Variants in ITFG2 observed in about 807,000 individuals in gnomAD.
ITFG2 encodes the protein integrin alpha FG-GAP repeat containing 2, also known as KICSTOR complex protein ITFG2.
ITFG2 carries 36 observed loss-of-function variants against 54.4 expected under a neutral mutation model. The observed-to-expected ratio is 0.66, with a 90% CI of 0.51 to 0.87. The LOEUF (loss-of-function observed/expected upper bound fraction) is 0.87, where lower values mean the gene tolerates loss of function less well. Ranked by LOEUF, ITFG2 falls within the 40% of genes least tolerant of loss-of-function variation. The probability of loss-of-function intolerance (pLI) is 0.00; values close to 1 mark genes in which losing one functional copy is unlikely to be tolerated. For synonymous variants in ITFG2, 211 were observed against 225.4 expected, an observed-to-expected ratio of 0.94 and a Z score of 0.57; for missense variants, 524 against 576.7, an observed-to-expected ratio of 0.91 and a Z score of 0.94.
chr12:2,850,012 C>T (rs1266870634), intron 2 of ITFG2, among the ~76,000 whole-genome samples: 1 of 152,184 alleles, frequency 6.6e-6, no homozygotes. Flanking sequence ...CACTTTGCCC[C>T]TGGTTCGGCA....
upstream of ITFG2, chr12:2,835,099 C>G: frequency 2.1e-6 from 3 of 1,436,052 alleles, no homozygotes; most frequent in Non-Finnish European, 2.7e-6. Context: ...CCACAGCTGG[C>G]TGACTTGGCC....
intron 1 of ITFG2, among the ~76,000 whole-genome samples, chr12:2,838,994 A>C (rs1446033981): frequency 6.6e-6 from 1 of 152,034 alleles, no homozygotes; most frequent in Non-Finnish European, 1.5e-5. Context: ...AGAGAATTAA[A>C]AAAAAAAAAC....
intron 2 of ITFG2, chr12:2,854,856 G>A (rs1034100401): frequency 3.3e-6 from 5 of 1,502,470 alleles, no homozygotes; most frequent in Non-Finnish European, 4.4e-6. Context: ...CACCTGGGCA[G>A]GGCAGGCTGG....
At chr12:2,859,244 G>A in intron 3 of ITFG2, 1 of 1,613,804 alleles carries the variant, frequency 6.2e-7, no homozygotes, top group African/African-American at 1.3e-5. Context: ...GCCCCTCTGA[G>A]AAGAGCAGCT....
At position 2,853,280 on chromosome 12, in the gene ITFG2, T is replaced by C. The variant is rs559482441; in HGVS notation, n.301-4732T>C. The stretch of plus-strand genomic sequence containing the variant: ...CTCAAAGTCACCAACCTTTGGTTTT[T>C]TGTTTTTTTTTTTAAACAAAGTCTC... On this transcript the variant is annotated intron_variant and non_coding_transcript_variant, in intron 2 of 3. Transcript: ENST00000537710. Among the ~76,000 whole-genome samples the C allele has an allele frequency of 2.1e-3, 322 of 152,196 alleles. 3 individuals are homozygous for C. The highest frequency in any genetic ancestry group is 7.5e-3 in the African/African-American group (310 of 41,548).
intron 5 of ITFG2, 129 bp downstream of exon 5, chr12:2,820,354 A>T: frequency 3.5e-6 from 4 of 1,158,140 alleles, no homozygotes; most frequent in Non-Finnish European, 3.6e-6. Context: ...TTGTCAAGAG[A>T]GATCCAAAGA....
At chr12:2,823,033 A>C (rs1180898675) in intron 10 of ITFG2, 122 bp downstream of exon 10, 1 of 734,586 alleles carries the variant, frequency 1.4e-6, no homozygotes, top group Admixed American at 2.2e-5. Context: ...GTAAGTCTTC[A>C]TTCACCAGTG....
chr12:2,849,498 C>T, intron 2 of ITFG2: 1 of 1,536,106 alleles, frequency 6.5e-7, no homozygotes, highest in Non-Finnish European at 8.7e-7. Flanking sequence ...GGGGTTCAAA[C>T]CTCCCACCAG....
intron 2 of ITFG2, among the ~76,000 whole-genome samples, chr12:2,854,070 G>A (rs979355968): frequency 1.3e-5 from 2 of 152,062 alleles, no homozygotes; most frequent in South Asian, 2.1e-4. Context: ...TTGTTGCCCC[G>A]GCTGGAGTGC....
At chr12:2,854,973 C>T (rs1209133118) in intron 2 of ITFG2, 2 of 1,536,114 alleles carry the variant, frequency 1.3e-6, no homozygotes, top group East Asian at 2.4e-5. Context: ...TCAACTTGAG[C>T]TTCTCCACCT....
intron 2 of ITFG2, among the ~76,000 whole-genome samples, chr12:2,843,049 G>A (rs2098045162): frequency 6.6e-6 from 1 of 152,148 alleles, no homozygotes; most frequent in Admixed American, 6.5e-5. Context: ...CTGCTGGTGG[G>A]GATGGAGAGG....
At chr12:2,839,429 A>G (rs1020389316) in intron 1 of ITFG2, among the ~76,000 whole-genome samples, 4 of 152,264 alleles carry the variant, frequency 2.6e-5, no homozygotes, top group Non-Finnish European at 5.9e-5. Flanking sequence ...AAGTGAGCGT[A>G]TTCTCGTCCA....
chr12:2,814,101 G>A (rs1356853333), intron 1 of ITFG2, among the ~76,000 whole-genome samples: 2 of 152,106 alleles, frequency 1.3e-5, no homozygotes, highest in South Asian at 2.1e-4. Context: ...CTGCCACCAT[G>A]TCTGGCTAAT....
At chr12:2,846,825 C>T (rs1465476608) in intron 2 of ITFG2, among the ~76,000 whole-genome samples, 5 of 151,860 alleles carry the variant, frequency 3.3e-5, no homozygotes, top group African/African-American at 1.2e-4. Flanking sequence ...AAGACAATCA[C>T]GGACATGGCG....
chr12:2,821,748 CA>C lies in ITFG2; in HGVS notation c.905del (p.Gln302ArgfsTer22). 1 of 1,614,134 alleles carries C rather than the reference CA, an allele frequency of 6.2e-7. No homozygotes were observed. The highest frequency in any genetic ancestry group is 8.5e-7 in the Non-Finnish European group (1 of 1,180,006). On this transcript the variant is annotated frameshift_variant, in exon 9 of 12. Transcript: ENST00000228799. LOFTEE classifies it high-confidence loss of function. ...AGCAGACAAGCTGCTGTGGTCAGTGCAGGTGGATCACCAGCTCTTTGCCCTG... is the reference window on the plus strand; with the variant it reads ...AGCAGACAAGCTGCTGTGGTCAGTGCGGTGGATCACCAGCTCTTTGCCCTG... ...EEADKLLWSV[Q>X]VDHQLFALEK...
chr12:2,833,771 C>G (rs892631300), upstream of ITFG2, among the ~76,000 whole-genome samples: 9 of 152,230 alleles, frequency 5.9e-5, no homozygotes, highest in African/African-American at 2.2e-4. Context: ...CTATTAGGCA[C>G]TGTTCTAAGT....
At chr12:2,849,268 G>A in intron 2 of ITFG2, 3 of 1,536,098 alleles carry the variant, frequency 2.0e-6, no homozygotes, top group Non-Finnish European at 8.7e-7. Flanking sequence ...CTTCCTTGCT[G>A]GGGATTTGCT....
At chr12:2,842,447 A>G (rs1021070987) in intron 2 of ITFG2, among the ~76,000 whole-genome samples, 4 of 151,848 alleles carry the variant, frequency 2.6e-5, no homozygotes, top group African/African-American at 9.6e-5. Flanking sequence ...TAAAAAAAGT[A>G]AGAAATGTTT....
At chr12:2,858,850 G>A in intron 3 of ITFG2, 1 of 1,614,172 alleles carries the variant, frequency 6.2e-7, no homozygotes, top group Non-Finnish European at 8.5e-7. Flanking sequence ...ATATCTGAGG[G>A]AGAAGAGTTG....
Sources: allele counts gnomAD v4.1 joint callset (sites outside exome capture counted in the v4.1 genomes callset), GRCh38; gene constraint gnomAD v4.1.1; transcripts MANE v1.5; gene names NCBI Gene and HGNC (gene_info 2026-07-23, HGNC 2026-07-21).